The following LIFR variants were observed in gnomAD, a reference collection of about 807,000 sequenced individuals.
LIFR encodes leukemia inhibitory factor receptor.
A neutral mutation model predicts 122.2 loss-of-function variants in LIFR; 84 were observed. The observed-to-expected ratio is 0.69, with a 90% confidence interval of 0.58 to 0.82. LIFR has a LOEUF of 0.82. Ranked by LOEUF, LIFR falls within the 40% of genes least tolerant of loss-of-function variation. The pLI, the probability that LIFR is intolerant of heterozygous loss-of-function variation, is 0.00. For missense variants in LIFR, 1,294 were observed against 1,311.6 expected (o/e 0.99, Z 0.21); for synonymous variants, 422 against 434.7 (o/e 0.97, Z 0.36).
At chr5:38,560,888 G>A (rs189840542), upstream of LIFR, among the ~76,000 whole-genome samples, 237 of 152,124 alleles carry the variant, frequency 1.6e-3, no homozygotes, top group African/African-American at 5.3e-3. Flanking sequence ...GAGCCACCAC[G>A]CCCAGCCTGT....
chr5:38,550,797 T>TTACA (rs1396320128), intron 1 of LIFR, among the ~76,000 whole-genome samples: 2 of 152,158 alleles, frequency 1.3e-5, no homozygotes, highest in Non-Finnish European at 2.9e-5. Flanking sequence ...AAGATCATGG[T>TTACA]TACACTGCCA....
rs10637374 is a variant in LIFR at position 38,528,849 on chromosome 5, G to GACACACAC, written c.143-17_143-10dup. 1.1e-4 allele frequency: 100 copies of GACACACAC among 921,664 alleles called. 1 individual carries two copies. In the African/African-American group the frequency reaches 1.5e-3, roughly 13 times the overall value. The allele number at this position is 921,664 out of a possible 1,614,324, so 57.1% of individuals were successfully genotyped here. On this transcript the variant is annotated splice_polypyrimidine_tract_variant and intron_variant, in intron 2 of 19. Coordinates refer to ENST00000453190, the MANE Select transcript of LIFR (RefSeq NM_001127671.2). Reference sequence around the variant, plus strand: ...CAAATCATGAGGAGCCCCTGGAGGAGACACACACACACACACACACACACA... The same window carrying GACACACAC: ...CAAATCATGAGGAGCCCCTGGAGGAGACACACACACACACACACACACACACACACACA...
At chr5:38,594,463 A>G (rs1750031608) in intron 1 of LIFR, among the ~76,000 whole-genome samples, 1 of 152,132 alleles carries the variant, frequency 6.6e-6, no homozygotes, top group African/African-American at 2.4e-5. Flanking sequence ...GGTTCATACT[A>G]ATCTATTAAT....
In LIFR at chr5:38,475,699, T is replaced by A. The variant is rs1743693185; in HGVS notation, c.*5896A>T. 1 of 188,386 alleles carries A rather than the reference T, an allele frequency of 5.3e-6. No individual in the cohort carries two copies. Among genetic ancestry groups the A allele is most frequent in the Non-Finnish European group, 1.1e-5 (1 of 89,322 alleles). 11.7% of individuals were successfully genotyped at this position (188,386 alleles called of 1,614,324 possible). ...GTGTATTTTGTAAACAGTAATTCAC[T>A]ATAATGCAATTTTGAAAGTAAAAAA... On this transcript the variant is annotated 3_prime_UTR_variant, in exon 20 of 20. Transcript: ENST00000453190.
At chr5:38,555,558 C>T (rs772021886) in intron 1 of LIFR, among the ~76,000 whole-genome samples, 4 of 152,046 alleles carry the variant, frequency 2.6e-5, no homozygotes, top group Admixed American at 6.5e-5. Context: ...TTTAAAGACA[C>T]ATAAAAAGAA....
chr5:38,595,381 G>T (rs376652801), exon 1 of LIFR: 1 of 152,422 alleles, frequency 6.6e-6, no homozygotes, highest in African/African-American at 2.4e-5. Flanking sequence ...GCAGAGACAC[G>T]TTCTGGGAGA....
chr5:38,511,739 T>C (rs778068732), intron 6 of LIFR, 51 bp downstream of exon 6: 2 of 1,549,172 alleles, frequency 1.3e-6, no homozygotes, highest in Non-Finnish European at 8.9e-7. Context: ...TACTCTTAAG[T>C]GAGACTAATT....
At chr5:38,569,149 A>G (rs1044915222) in intron 1 of LIFR, among the ~76,000 whole-genome samples, 4 of 152,178 alleles carry the variant, frequency 2.6e-5, no homozygotes, top group African/African-American at 9.7e-5. Context: ...ACCCATTTTT[A>G]CACTTGTTAC....
chr5:38,510,257 A>C (rs1369779008), intron 7 of LIFR, among the ~76,000 whole-genome samples: 1 of 152,212 alleles, frequency 6.6e-6, no homozygotes, highest in East Asian at 1.9e-4. Flanking sequence ...AATTACACAG[A>C]TACAGGTTAT....
rs375891203 is a variant in LIFR, at chr5:38,601,880, C to A, written n.305+4325G>T. On this transcript the variant is annotated intron_variant and non_coding_transcript_variant, in intron 2 of 3. Coordinates refer to the LIFR transcript ENST00000507786. ...CAATATACCCCCAACTGAAGCTATT[C>A]TCTTCTCCCCAAGCTGACTCTGTTC... Among the ~76,000 whole-genome samples the A allele has an allele frequency of 2.6e-5, 4 of 152,304 alleles. No individual in the cohort carries two copies. In the South Asian group the frequency reaches 6.2e-4, roughly 24 times the overall value.
At chr5:38,522,232 A>C (rs964057087) in intron 5 of LIFR, among the ~76,000 whole-genome samples, 2 of 152,206 alleles carry the variant, frequency 1.3e-5, no homozygotes, top group Non-Finnish European at 2.9e-5. Flanking sequence ...CTTGTGCTTC[A>C]GCAGTTGCAG....
intron 18 of LIFR, among the ~76,000 whole-genome samples, chr5:38,483,985 C>T (rs566530964): frequency 1.3e-5 from 2 of 152,296 alleles, no homozygotes; most frequent in South Asian, 2.1e-4. Flanking sequence ...ACGGAGCTCC[C>T]GCTGACCTCA....
intron 1 of LIFR, among the ~76,000 whole-genome samples, chr5:38,531,657 T>A (rs1216821114): frequency 6.6e-6 from 1 of 151,918 alleles, no homozygotes; most frequent in Non-Finnish European, 1.5e-5. Context: ...GATTGAGTAA[T>A]CTTTCAGAAC....
intron 14 of LIFR, among the ~76,000 whole-genome samples, chr5:38,492,480 G>C (rs1291663032): frequency 6.6e-6 from 1 of 152,190 alleles, no homozygotes; most frequent in Non-Finnish European, 1.5e-5. Flanking sequence ...GGAAGGTGCA[G>C]GAAAAGAAGG....
intron 1 of LIFR, among the ~76,000 whole-genome samples, chr5:38,569,331 G>T (rs964248096): frequency 4.6e-5 from 7 of 152,162 alleles, no homozygotes; most frequent in Non-Finnish European, 1.0e-4. Flanking sequence ...ATCCCCTACT[G>T]CAGGGTTCAC....
chr5:38,485,551 C>A, intron 17 of LIFR: 1 of 502,272 alleles, frequency 2.0e-6, no homozygotes, highest in Non-Finnish European at 3.6e-6. Flanking sequence ...TAGATAAATT[C>A]AATATGACTT....
intron 1 of LIFR, among the ~76,000 whole-genome samples, chr5:38,553,046 T>C (rs1748288458): frequency 6.6e-6 from 1 of 152,166 alleles, no homozygotes; most frequent in South Asian, 2.1e-4. Context: ...GCAACACATA[T>C]GGGCACCAAC....
At chr5:38,525,653 G>A (rs1210417990) in intron 4 of LIFR, among the ~76,000 whole-genome samples, 1 of 152,150 alleles carries the variant, frequency 6.6e-6, no homozygotes, top group Non-Finnish European at 1.5e-5. Flanking sequence ...GGACAGTGGA[G>A]GATGCTTTAA....
In LIFR at chr5:38,525,916, GA is replaced by G. The variant is rs1327092432; in HGVS notation, c.397+1238del. Among the ~76,000 whole-genome samples the G allele has an allele frequency of 3.9e-5, 6 of 152,118 alleles. No homozygotes were observed. In the East Asian group the frequency reaches 1.2e-3, roughly 29 times the overall value. On this transcript the variant is annotated intron_variant, in intron 4 of 19. Coordinates refer to ENST00000453190, the MANE Select transcript of LIFR (RefSeq NM_001127671.2). ...TCATCTTTAAAATGCTTCCCTCCCT[GA>G]AAAGTCCACATAATTTACATTTTAT...
Sources: allele counts gnomAD v4.1 joint callset (sites outside exome capture counted in the v4.1 genomes callset), GRCh38; gene constraint gnomAD v4.1.1; transcripts MANE v1.5; gene names NCBI Gene and HGNC (gene_info 2026-07-23, HGNC 2026-07-21).